Variants in KCNH5 observed in about 807,000 individuals in gnomAD.
KCNH5 encodes the protein potassium voltage-gated channel subfamily H member 5, also known as voltage-gated delayed rectifier potassium channel KCNH5.
In KCNH5, 46 loss-of-function variants were observed where a neutral mutation model predicts 96.1. The ratio of observed to expected loss-of-function variants is 0.48; its 90% CI spans 0.38 to 0.61. The LOEUF is 0.61. Among genes scored for constraint, KCNH5 ranks in the 20% least tolerant of loss-of-function variants. The pLI is 0.00. For synonymous variants in KCNH5, 439 were observed against 449.8 expected (o/e 0.98, Z 0.30); for missense variants, 907 against 1,225.8 (o/e 0.74, Z 3.88).
chr14:62,846,573 T>C (rs1248510131), intron 8 of KCNH5, among the ~76,000 whole-genome samples: 3 of 151,756 alleles, frequency 2.0e-5, no homozygotes, highest in Non-Finnish European at 4.4e-5. Context: ...TGAAGACCCT[T>C]ATAAATATTT....
intron 10 of KCNH5, among the ~76,000 whole-genome samples, chr14:62,737,327 G>C (rs1176778690): frequency 6.6e-6 from 1 of 152,086 alleles, no homozygotes; most frequent in African/African-American, 2.4e-5. Flanking sequence ...CATATCTATT[G>C]CATGAATAGG....
At chr14:62,848,905 A>G (rs1887751178) in intron 8 of KCNH5, among the ~76,000 whole-genome samples, 1 of 152,238 alleles carries the variant, frequency 6.6e-6, no homozygotes, top group South Asian at 2.1e-4. Context: ...GGTTTCCTCT[A>G]AAACTCTGTG....
chr14:63,038,340 A>T (rs566320882), intron 1 of KCNH5, among the ~76,000 whole-genome samples: 25 of 152,304 alleles, frequency 1.6e-4, no homozygotes, highest in Admixed American at 3.3e-4. Context: ...CAGGGAGCTT[A>T]GTTCATATAC....
At chr14:62,878,782 T>C (rs1286832669) in intron 7 of KCNH5, among the ~76,000 whole-genome samples, 1 of 152,062 alleles carries the variant, frequency 6.6e-6, no homozygotes, top group African/African-American at 2.4e-5. Context: ...GTCAGCAGGG[T>C]TGGTTTCTTC....
At chr14:62,763,653 A>G (rs1566652862) in intron 10 of KCNH5, among the ~76,000 whole-genome samples, 1 of 152,306 alleles carries the variant, frequency 6.6e-6, no homozygotes, top group East Asian at 1.9e-4. Flanking sequence ...CTAACAAAAA[A>G]AAGTGAGGGG....
At chr14:62,985,917 G>A (rs918110400) in intron 5 of KCNH5, among the ~76,000 whole-genome samples, 2 of 151,902 alleles carry the variant, frequency 1.3e-5, no homozygotes, top group African/African-American at 4.8e-5. Context: ...TCTTACATTC[G>A]TCATTTTATT....
chr14:62,814,834 T>C (rs1291134417), intron 8 of KCNH5, among the ~76,000 whole-genome samples: 1 of 122,610 alleles, frequency 8.2e-6, no homozygotes, highest in South Asian at 3.0e-4. Flanking sequence ...TCATACGAAG[T>C]GGGAGTGAGG....
At chr14:63,043,303 A>C (rs1293647490) in intron 1 of KCNH5, among the ~76,000 whole-genome samples, 2 of 152,136 alleles carry the variant, frequency 1.3e-5, no homozygotes, top group Non-Finnish European at 2.9e-5. Flanking sequence ...GTAACCCTGC[A>C]GATTTTATGT....
At chr14:62,816,025 A>G (rs1234524873) in intron 8 of KCNH5, among the ~76,000 whole-genome samples, 1 of 151,952 alleles carries the variant, frequency 6.6e-6, no homozygotes, top group Non-Finnish European at 1.5e-5. Flanking sequence ...AAAAGAATAT[A>G]TATATATTCA....
In KCNH5 at chr14:62,704,542, C is replaced by T. The variant is rs1470796090; in HGVS notation, c.*2966G>A. The stretch of plus-strand genomic sequence containing the variant: ...CATTTCCATTCTAATTTGACTTTTG[C>T]TATTTTGTTACAACCACCTGTCGAG... On this transcript the variant is annotated 3_prime_UTR_variant, in exon 11 of 11. Coordinates refer to ENST00000322893, the MANE Select transcript of KCNH5 (RefSeq NM_139318.5). 1 of 151,880 alleles carries T rather than the reference C, an allele frequency of 6.6e-6. No homozygotes were observed. Among genetic ancestry groups the T allele is most frequent in the Non-Finnish European group, 1.5e-5 (1 of 67,832 alleles). The allele number at this position is 151,880 out of a possible 1,614,324, so 9.4% of individuals were successfully genotyped here.
At chr14:62,861,308 C>T (rs1888028071) in intron 7 of KCNH5, among the ~76,000 whole-genome samples, 1 of 150,468 alleles carries the variant, frequency 6.6e-6, no homozygotes, top group Non-Finnish European at 1.5e-5. Context: ...CTCACTCTGT[C>T]ACCCAGGCTG....
chr14:63,003,899 T>C (rs1490282975), intron 3 of KCNH5, among the ~76,000 whole-genome samples: 1 of 151,686 alleles, frequency 6.6e-6, no homozygotes, highest in Non-Finnish European at 1.5e-5. Flanking sequence ...AGATTACAGG[T>C]GTCAGCCACC....
chr14:62,944,568 G>A (rs1183996609), intron 7 of KCNH5, among the ~76,000 whole-genome samples: 1 of 152,020 alleles, frequency 6.6e-6, no homozygotes, highest in Non-Finnish European at 1.5e-5. Flanking sequence ...AATGCAGGTG[G>A]TTTGTTTTCA....
At chr14:62,724,022 C>T (rs986939368) in intron 10 of KCNH5, among the ~76,000 whole-genome samples, 3 of 152,138 alleles carry the variant, frequency 2.0e-5, no homozygotes, top group Non-Finnish European at 4.4e-5. Context: ...GGATCATTTC[C>T]ACCCCATTCC....
intron 10 of KCNH5, among the ~76,000 whole-genome samples, chr14:62,775,472 C>G (rs2139970649): frequency 6.6e-6 from 1 of 152,264 alleles, no homozygotes; most frequent in Admixed American, 6.5e-5. Context: ...GAGGACTAAG[C>G]AACACTAGCC....
chr14:62,730,109 A>G (rs973023038), intron 10 of KCNH5, among the ~76,000 whole-genome samples: 1 of 152,192 alleles, frequency 6.6e-6, no homozygotes, highest in Non-Finnish European at 1.5e-5. Context: ...ACTTTTTTAT[A>G]AAATTGAAGT....
intron 9 of KCNH5, among the ~76,000 whole-genome samples, chr14:62,790,120 G>C (rs1461182003): frequency 7.2e-6 from 1 of 139,306 alleles, no homozygotes; most frequent in African/African-American, 2.5e-5. Context: ...CCTTTTGCAT[G>C]TGGAAATCCA....
chr14:62,730,432 T>C (rs558141015), intron 10 of KCNH5, among the ~76,000 whole-genome samples: 54 of 152,304 alleles, frequency 3.5e-4, no homozygotes, highest in Non-Finnish European at 5.7e-4. Context: ...ATGAAGGAAA[T>C]GGTTGAAAGA....
intron 8 of KCNH5, among the ~76,000 whole-genome samples, chr14:62,816,297 T>C (rs1164040164): frequency 6.6e-6 from 1 of 151,986 alleles, no homozygotes; most frequent in Non-Finnish European, 1.5e-5. Context: ...TGTGTATATG[T>C]ATACATGTAC....
Sources: gnomAD v4.1 joint callset for allele counts (sites outside exome capture counted in the v4.1 genomes callset) on GRCh38, gnomAD v4.1.1 for gene constraint, MANE v1.5 for transcripts, NCBI Gene and HGNC (gene_info 2026-07-23, HGNC 2026-07-21) for gene names.